Variants in BRCA2 observed in about 807,000 individuals in gnomAD.
BRCA2 encodes breast cancer type 2 susceptibility protein.
A neutral mutation model predicts 276.7 loss-of-function variants in BRCA2; 203 were observed. The observed-to-expected ratio is 0.73, with a 90% CI of 0.65 to 0.82. The LOEUF (loss-of-function observed/expected upper bound fraction) is 0.82, where lower values mean the gene tolerates loss of function less well. Among genes scored for constraint, BRCA2 ranks in the 40% least tolerant of loss-of-function variants. The probability of loss-of-function intolerance (pLI) is 0.00; values close to 1 mark genes in which losing one functional copy is unlikely to be tolerated. For missense variants in BRCA2, 3,920 were observed against 3,915.0 expected (o/e 1.00, Z -0.03); for synonymous variants, 1,289 against 1,338.4 (o/e 0.96, Z 0.81).
chr13:32,372,278 C>T lies in BRCA2; in HGVS notation c.8632+1178C>T, dbSNP rs206068. ...AGCACCTTCGCCAGGACTAGATTCC[C>T]TCTCAAGAAACTACTTTCTTTGCTT... On this transcript the variant is annotated intron_variant, in intron 20 of 26. Transcript: ENST00000380152. Among the ~76,000 whole-genome samples the T allele has an allele frequency of 0.98, 149,414 of 152,300 alleles. 73,357 individuals are homozygous for T. The highest frequency in any genetic ancestry group is 1 in the East Asian group (5,179 of 5,180).
chr13:32,322,223 A>T lies in BRCA2; in HGVS notation c.317-2853A>T, dbSNP rs568043833. Among the ~76,000 whole-genome samples, 10 of 152,318 alleles carry T rather than the reference A, an allele frequency of 6.6e-5. No individual in the cohort carries two copies. The South Asian group carries it at 1.2e-3, about 19-fold the overall frequency. On this transcript the variant is annotated intron_variant, in intron 3 of 26. Transcript: ENST00000380152. ...ATAGTTTTGCCTTTTCCAGAATGTC[A>T]TGTAGTTGGAATCATACAGAATATA...
chr13:32,388,472 TACA>T (rs1219613233), intron 24 of BRCA2, among the ~76,000 whole-genome samples: 1 of 152,134 alleles, frequency 6.6e-6, no homozygotes, highest in Non-Finnish European at 1.5e-5. Flanking sequence ...ATGAGTACCT[TACA>T]ACTATTCTTT....
chr13:32,372,607 A>G (rs1566249959), intron 20 of BRCA2, among the ~76,000 whole-genome samples: 1 of 152,100 alleles, frequency 6.6e-6, no homozygotes, highest in Non-Finnish European at 1.5e-5. Context: ...ACCTCCCACC[A>G]GGTCTCTCCC....
chr13:32,354,810 T>C (rs2072675245), intron 13 of BRCA2, 51 bp from the exon 14 acceptor site: 1 of 1,255,964 alleles, frequency 8.0e-7, no homozygotes, highest in African/African-American at 1.5e-5. Flanking sequence ...TATTCCTAAA[T>C]ATTTATATGT....
chr13:32,379,178 A>T, intron 21 of BRCA2, 139 bp from the exon 22 acceptor site: 2 of 732,056 alleles, frequency 2.7e-6, no homozygotes, highest in Non-Finnish European at 4.4e-6. Flanking sequence ...ATATTATGTG[A>T]GAAACTGATT....
chr13:32,390,426 T>TA, intron 24 of BRCA2, among the ~76,000 whole-genome samples: 1 of 151,656 alleles, frequency 6.6e-6, no homozygotes, highest in Non-Finnish European at 1.5e-5. Flanking sequence ...TCTATAAACA[T>TA]AAAAACTAAA....
chr13:32,357,546 G>A (rs1395175148), intron 15 of BRCA2, among the ~76,000 whole-genome samples, 196 bp from the exon 16 acceptor site: 1 of 152,200 alleles, frequency 6.6e-6, no homozygotes, highest in African/African-American at 2.4e-5. Context: ...GCAGACTGTG[G>A]AATGTATGGA....
At position 32,363,346 on chromosome 13, in the gene BRCA2, A is replaced by G. The variant is rs771265005; in HGVS notation, c.8144A>G (p.Lys2715Arg). 6.2e-7 allele frequency: 1 copy of G among 1,614,162 alleles called. No homozygotes were observed. Among genetic ancestry groups the G allele is most frequent in the South Asian group, 1.1e-5 (1 of 91,088 alleles). ...AAAACTAGTAGTGCAGATACCCAAA[A>G]AGTGGCCATTATTGAACTTACAGAT... ...SNKTSSADTQ[K>R]VAIIELTDGW... is the part of the protein sequence containing the mutation. Residue 2715 changes from lysine to arginine, a missense_variant, in exon 18 of 27, where the codon AAA becomes AGA. Physicochemically the swap from Lys to Arg is conservative, Grantham distance 26. Around this residue, in one of 2 missense-constraint regions of BRCA2, gnomAD observed 3,263 missense variants for 3,156.9 expected, o/e 1.03. Coordinates refer to ENST00000380152, the MANE Select transcript of BRCA2 (RefSeq NM_000059.4).
chr13:32,371,434 A>G (rs1458702232), intron 20 of BRCA2, among the ~76,000 whole-genome samples: 2 of 152,134 alleles, frequency 1.3e-5, no homozygotes, highest in African/African-American at 4.8e-5. Flanking sequence ...ATTAAAAATC[A>G]TGGTGTTTTG....
chr13:32,379,503 GAA>G lies in BRCA2; in HGVS notation c.8945_8946del (p.Lys2982ArgfsTer35), dbSNP rs80359733. 1 of 1,612,462 alleles carries G rather than the reference GAA, an allele frequency of 6.2e-7. No individual in the cohort carries two copies. Among genetic ancestry groups the G allele is most frequent in the Non-Finnish European group, 8.5e-7 (1 of 1,179,536 alleles). On this transcript the variant is annotated frameshift_variant, in exon 22 of 27. Transcript: ENST00000380152. LOFTEE classifies it high-confidence loss of function. ...GCGTATTGTAAGCTATTCAAAAAAA[GAA>G]AAAGATTCAGGTAAGTATGTAAATG... ...KLRIVSYSKK[E>X]KDSVILSIWR...
At chr13:32,391,152 T>C (rs1474499054) in intron 24 of BRCA2, among the ~76,000 whole-genome samples, 1 of 152,206 alleles carries the variant, frequency 6.6e-6, no homozygotes, top group African/African-American at 2.4e-5. Flanking sequence ...AACACTGTGA[T>C]ATATAATGAG....
chr13:32,316,728 A>T (rs2072264651), intron 2 of BRCA2, among the ~76,000 whole-genome samples: 1 of 152,234 alleles, frequency 6.6e-6, no homozygotes, highest in African/African-American at 2.4e-5. Context: ...GATAAAGAGG[A>T]AACTGGCCCC....
chr13:32,386,459 ATAT>A (rs543957747), intron 24 of BRCA2, among the ~76,000 whole-genome samples: 77 of 152,316 alleles, frequency 5.1e-4, no homozygotes, highest in Non-Finnish European at 9.1e-4. Context: ...TTTCAGAAAC[ATAT>A]TATGTAATTC....
At position 32,331,941 on chromosome 13, in the gene BRCA2, G is replaced by C. The variant is rs1039521397; in HGVS notation, c.794-331G>C. ...AGAATTGATTTGGAACATCTGTTTT[G>C]ATAGGTCTTAGAATATTTAATTGTA... is the stretch of plus-strand genomic sequence containing the variant. On this transcript the variant is annotated intron_variant, in intron 9 of 26. Coordinates refer to ENST00000380152, the MANE Select transcript of BRCA2 (RefSeq NM_000059.4). Among the ~76,000 whole-genome samples, 12 of 152,230 alleles carry C rather than the reference G, an allele frequency of 7.9e-5. No homozygotes were observed. In the East Asian group the frequency reaches 1.9e-3, roughly 24 times the overall value.
rs397838402 is a variant in BRCA2, at chr13:32,395,960, C to CTTTTTTTTTTTTTTTTT, written c.9502-926_9502-910dup. 2.5e-3 allele frequency: 197 copies of CTTTTTTTTTTTTTTTTT among 79,200 alleles called. 7 individuals carry two copies. The highest frequency in any genetic ancestry group is 4.7e-3 in the African/African-American group (52 of 11,150). The allele number at this position is 79,200 out of a possible 1,614,324, so 4.9% of individuals were successfully genotyped here. On this transcript the variant is annotated intron_variant, in intron 25 of 26. Transcript: ENST00000380152. Reference sequence around the variant, plus strand: ...CCACATTTTCTTTTTTTCTTTCTTTCTTTTTTTTTTTTTTTTTTTTTTTTT... The same window carrying CTTTTTTTTTTTTTTTTT: ...CCACATTTTCTTTTTTTCTTTCTTTCTTTTTTTTTTTTTTTTTTTTTTTTTTTTTTTTTTTTTTTTTT...
chr13:32,387,675 T>G (rs924674249), intron 24 of BRCA2, among the ~76,000 whole-genome samples: 1 of 152,198 alleles, frequency 6.6e-6, no homozygotes, highest in African/African-American at 2.4e-5. Flanking sequence ...TTGTCCACTT[T>G]TATGCTTCTC....
Position 32,380,005 on chromosome 13 carries a change from A to G in BRCA2, c.9118-2A>G, listed in dbSNP as rs81002862. On this transcript the variant is annotated splice_acceptor_variant, in intron 23 of 26. Transcript: ENST00000380152. LOFTEE classifies it high-confidence loss of function. ...GTTGAATTTTTGTTTTGTTTTCTGT[A>G]GGTTTCAGATGAAATTTTATTTCAG... 9.9e-6 allele frequency: 16 copies of G among 1,613,896 alleles called. No individual in the cohort carries two copies. The highest frequency in any genetic ancestry group is 8.5e-7 in the Non-Finnish European group (1 of 1,179,962).
At chr13:32,367,987 C>G (rs1288892986) in intron 18 of BRCA2, among the ~76,000 whole-genome samples, 1 of 101,084 alleles carries the variant, frequency 9.9e-6, no homozygotes. Context: ...TTAGGGTTGT[C>G]TTTTCTTCTA....
intron 3 of BRCA2, among the ~76,000 whole-genome samples, chr13:32,323,395 C>T (rs924060831): frequency 2.0e-5 from 3 of 152,082 alleles, no homozygotes; most frequent in Non-Finnish European, 2.9e-5. Flanking sequence ...CCTCGTGATC[C>T]GCTCGCCTCG....
Sources: gnomAD v4.1 joint callset for allele counts (sites outside exome capture counted in the v4.1 genomes callset) on GRCh38, gnomAD v4.1.1 for gene constraint, gnomAD v4.1.1 regional missense constraint, MANE v1.5 for transcripts, NCBI Gene and HGNC (gene_info 2026-07-23, HGNC 2026-07-21) for gene names.